Variants in FBRSL1 observed in about 807,000 individuals in gnomAD.
The protein encoded by FBRSL1 is fibrosin-1-like protein.
A neutral mutation model predicts 89.6 loss-of-function variants in FBRSL1; 51 were observed. That is an observed-to-expected ratio of 0.57 (90% CI 0.45 to 0.72). The LOEUF is 0.72. Ranked by LOEUF, FBRSL1 falls within the 30% of genes least tolerant of loss-of-function variation. FBRSL1 has a pLI of 0.00. For missense variants in FBRSL1, 1,618 were observed against 1,451.8 expected, an observed-to-expected ratio of 1.11 and a Z score of -1.86; for synonymous variants, 779 against 681.1, an observed-to-expected ratio of 1.14 and a Z score of -2.24.
At chr12:132,525,493 C>T (rs1267486827) in intron 2 of FBRSL1, among the ~76,000 whole-genome samples, 3 of 152,298 alleles carry the variant, frequency 2.0e-5, no homozygotes, top group East Asian at 3.9e-4. Context: ...TCAGTGTGTG[C>T]GCTGTCAGCT....
intron 1 of FBRSL1, among the ~76,000 whole-genome samples, chr12:132,492,435 G>A (rs1003487570): frequency 6.6e-6 from 1 of 152,286 alleles, no homozygotes; most frequent in East Asian, 1.9e-4. Flanking sequence ...ACAAGAACTT[G>A]TAAGCTGAAA....
rs2041000946 is a variant in FBRSL1, at chr12:132,584,447, G to C, written c.*669G>C. 1 of 152,194 alleles carries C rather than the reference G, an allele frequency of 6.6e-6. No homozygotes were observed. Among genetic ancestry groups the C allele is most frequent in the African/African-American group, 2.4e-5 (1 of 41,448 alleles). 9.4% of individuals were successfully genotyped at this position (152,194 alleles called of 1,614,324 possible). A position where few individuals can be genotyped will look rare whatever the true frequency, so the allele number is the denominator to read the frequency against. On this transcript the variant is annotated 3_prime_UTR_variant, in exon 19 of 19. Transcript: ENST00000680143. ...ATAGACTTTATAAAAACCGTTTCCAGAAACCCCTCTGGTTGTTTGTCTAAC... is the reference window on the plus strand; with the variant it reads ...ATAGACTTTATAAAAACCGTTTCCACAAACCCCTCTGGTTGTTTGTCTAAC...
chr12:132,556,263 T>A (rs955266392), intron 5 of FBRSL1, among the ~76,000 whole-genome samples: 1 of 152,162 alleles, frequency 6.6e-6, no homozygotes, highest in Non-Finnish European at 1.5e-5. Context: ...GGGTCTGGCC[T>A]ACCCCTCACC....
At chr12:132,520,489 C>G (rs562105285) in intron 2 of FBRSL1, among the ~76,000 whole-genome samples, 3 of 152,334 alleles carry the variant, frequency 2.0e-5, no homozygotes, top group African/African-American at 7.2e-5. Context: ...CCACAAAGCC[C>G]CTGCCCTCCA....
At position 132,584,451 on chromosome 12, in the gene FBRSL1, C is replaced by T. The variant is rs1279656050; in HGVS notation, c.*673C>T. 2 of 152,196 alleles carry T rather than the reference C, an allele frequency of 1.3e-5. No homozygotes were observed. Among genetic ancestry groups the T allele is most frequent in the Non-Finnish European group, 2.9e-5 (2 of 68,042 alleles). 9.4% of individuals were successfully genotyped at this position (152,196 alleles called of 1,614,324 possible). A position where few individuals can be genotyped will look rare whatever the true frequency, so the allele number is the denominator to read the frequency against. On this transcript the variant is annotated 3_prime_UTR_variant, in exon 19 of 19. Transcript: ENST00000680143. ...ACTTTATAAAAACCGTTTCCAGAAA[C>T]CCCTCTGGTTGTTTGTCTAACATGG...
rs367982677 is a variant in FBRSL1, at chr12:132,501,341, C to T, written c.292-6812C>T. On this transcript the variant is annotated intron_variant, in intron 1 of 18. Transcript: ENST00000680143. ...TCGCGCCCCAGGCCTGTGGCTTTAG[C>T]GACACCTGGCTAGCGTGGGCCCGGG... Among the ~76,000 whole-genome samples the T allele has an allele frequency of 3.6e-4, 55 of 152,282 alleles. No individual in the cohort carries two copies. The East Asian group carries it at 5.6e-3, about 16-fold the overall frequency.
intron 2 of FBRSL1, chr12:132,509,640 C>A (rs575968416): frequency 1.6e-6 from 2 of 1,231,664 alleles, no homozygotes; most frequent in Non-Finnish European, 2.0e-6. Flanking sequence ...CCTCTACTGC[C>A]GGCGCCTGCG....
chr12:132,508,181 G>A lies in FBRSL1; in HGVS notation c.320G>A (p.Arg107Gln), dbSNP rs376843896. 1.0e-5 allele frequency: 16 copies of A among 1,551,262 alleles called. No homozygotes were observed. In the South Asian group the frequency reaches 1.1e-4, roughly 10 times the overall value. Residue 107 changes from arginine to glutamine, a missense_variant, in exon 2 of 19, where the codon CGG becomes CAG. Arg to Gln is a conservative substitution (Grantham distance 43, BLOSUM62 1). Transcript: ENST00000680143. ...EKDMALKPHE[R>Q]KEKWERRLIK... ...GATATGGCCCTGAAGCCACATGAGCGGAAGGAGAAGTGGGAGCGTCGTCTC... is the reference window on the plus strand; with the variant it reads ...GATATGGCCCTGAAGCCACATGAGCAGAAGGAGAAGTGGGAGCGTCGTCTC...
Position 132,490,562 on chromosome 12 carries a change from C to A in FBRSL1, c.-9C>A. ...AAGGTCACCGGCCCGACGGGGCGCA[C>A]GCGCGGCCATGGAGGCCAAGGTCCG... On this transcript the variant is annotated 5_prime_UTR_variant, in exon 1 of 19. Transcript: ENST00000680143. The A allele has an allele frequency of 2.0e-6, 2 of 981,526 alleles. No individual in the cohort carries two copies. The highest frequency in any genetic ancestry group is 2.4e-6 in the Non-Finnish European group (2 of 828,692). 60.8% of individuals were successfully genotyped at this position (981,526 alleles called of 1,614,324 possible).
chr12:132,509,864 C>G (rs2034129857), intron 2 of FBRSL1: 1 of 1,231,836 alleles, frequency 8.1e-7, no homozygotes, highest in African/African-American at 1.6e-5. Context: ...TCCGACCACG[C>G]CGACGGCCCG....
chr12:132,582,996 C>T lies in FBRSL1; in HGVS notation c.2227C>T (p.Leu743=). 1 of 1,450,128 alleles carries T rather than the reference C, an allele frequency of 6.9e-7. No homozygotes were observed. Among genetic ancestry groups the T allele is most frequent in the Non-Finnish European group, 9.0e-7 (1 of 1,109,326 alleles). The allele number at this position is 1,450,128 out of a possible 1,614,324, so 89.8% of individuals were successfully genotyped here. A position where few individuals can be genotyped will look rare whatever the true frequency, so the allele number is the denominator to read the frequency against. Residue 743 remains leucine (L), a synonymous_variant, in exon 19 of 19, where the codon CTG becomes TTG. Transcript: ENST00000680143. Reference sequence around the variant, plus strand: ...GGACCTCCTGGAGAAGACGCGCCTGCTGAGCCGGGCCTCGCCCGCCACCCC... The same window carrying T: ...GGACCTCCTGGAGAAGACGCGCCTGTTGAGCCGGGCCTCGCCCGCCACCCC... ...ERDLLEKTRL[L]SRASPATPAG...
At chr12:132,567,453 GC>G in intron 5 of FBRSL1, 27 bp from the exon 6 acceptor site, 1 of 1,550,730 alleles carries the variant, frequency 6.4e-7, no homozygotes, top group South Asian at 1.2e-5. Flanking sequence ...CACCCTGACT[GC>G]CCCTGACCCC....
At position 132,496,798 on chromosome 12, in the gene FBRSL1, C is replaced by T. The variant is rs936395124; in HGVS notation, c.291+5937C>T. 9.4e-5 allele frequency among the ~76,000 whole-genome samples: 14 copies of T among 148,334 alleles called. No homozygotes were observed. In the East Asian group the frequency reaches 2.0e-3, roughly 21 times the overall value. ...AGCATCAGGTAGGGGTGACCCTGCT[C>T]ACCCAGCTTGTGCCGCCGCCCCGCG... On this transcript the variant is annotated intron_variant, in intron 1 of 18. Transcript: ENST00000680143.
chr12:132,511,938 CT>C, intron 2 of FBRSL1: 2 of 985,406 alleles, frequency 2.0e-6, no homozygotes, highest in Non-Finnish European at 2.4e-6. Context: ...TGCCGTGCCA[CT>C]ATTTTTTATA....
At chr12:132,531,003 G>GA (rs200276382) in intron 4 of FBRSL1, among the ~76,000 whole-genome samples, 1 of 150,512 alleles carries the variant, frequency 6.6e-6, no homozygotes, top group Non-Finnish European at 1.5e-5. Context: ...GTGGGGGGGG[G>GA]GGTGCAGGTG....
At chr12:132,560,986 G>A (rs2039077806) in intron 5 of FBRSL1, among the ~76,000 whole-genome samples, 2 of 152,206 alleles carry the variant, frequency 1.3e-5, no homozygotes, top group Non-Finnish European at 2.9e-5. Context: ...GAGGGACCGC[G>A]TGGAGGAACG....
intron 1 of FBRSL1, among the ~76,000 whole-genome samples, chr12:132,494,793 G>A (rs1232973404): frequency 6.6e-6 from 1 of 152,192 alleles, no homozygotes; most frequent in Non-Finnish European, 1.5e-5. Context: ...GTCCACGTGT[G>A]TCCCAGGAAT....
intron 4 of FBRSL1, 112 bp from the exon 5 acceptor site, chr12:132,547,891 C>A: frequency 8.5e-7 from 1 of 1,175,746 alleles, no homozygotes; most frequent in South Asian, 1.4e-5. Context: ...CCTCTCCTGG[C>A]AGCAGCCAGG....
chr12:132,510,499 G>A, intron 2 of FBRSL1: 2 of 1,231,998 alleles, frequency 1.6e-6, no homozygotes, highest in Non-Finnish European at 2.0e-6. Context: ...AGTGTGATCT[G>A]CACCCTGGCA....
Sources: gnomAD v4.1 joint callset for allele counts (sites outside exome capture counted in the v4.1 genomes callset) on GRCh38, gnomAD v4.1.1 for gene constraint, MANE v1.5 for transcripts, NCBI Gene and HGNC (gene_info 2026-07-23, HGNC 2026-07-21) for gene names.